Variants in PBLD observed in about 807,000 individuals in gnomAD.
PBLD encodes phenazine biosynthesis-like domain-containing protein.
A neutral mutation model predicts 31.3 loss-of-function variants in PBLD; 26 were observed. The observed-to-expected ratio is 0.83, with a 90% CI of 0.61 to 1.15. The LOEUF is 1.15. PBLD is among the 50% of genes most tolerant of loss of function. The pLI, the probability that PBLD is intolerant of heterozygous loss-of-function variation, is 0.00. For synonymous variants in PBLD, 114 were observed against 129.0 expected, an observed-to-expected ratio of 0.88 and a Z score of 0.79; for missense variants, 307 against 351.7, an observed-to-expected ratio of 0.87 and a Z score of 1.02.
chr10:68,319,096 AAAGAAAGAAAGAAAG>A (rs2044788588), intron 1 of PBLD, among the ~76,000 whole-genome samples: 1 of 134,292 alleles, frequency 7.4e-6, no homozygotes, highest in Non-Finnish European at 1.5e-5. Context: ...AGAAAGAAAG[AAAGAAAGAAAGAAAG>A]GAAAAAGAAA....
chr10:68,294,885 G>A (rs1381738647), intron 4 of PBLD, among the ~76,000 whole-genome samples: 2 of 152,128 alleles, frequency 1.3e-5, no homozygotes, highest in Non-Finnish European at 2.9e-5. Flanking sequence ...CCGCCACCAT[G>A]CTCAGCTAAT....
chr10:68,310,365 G>GTATATATATATA lies in PBLD; in HGVS notation c.-59-3474_-59-3463dup, dbSNP rs34887418. Among the ~76,000 whole-genome samples the GTATATATATATA allele has an allele frequency of 5.6e-3, 786 of 140,312 alleles. 24 individuals carry two copies. The highest frequency in any genetic ancestry group is 0.015 in the African/African-American group (580 of 38,046). The allele number at this position is 140,312 out of a possible 152,430, so 92.1% of individuals were successfully genotyped here. A position where few individuals can be genotyped will look rare whatever the true frequency, so the allele number is the denominator to read the frequency against. ...ATCATGTACAATATAATGTTTTGAA[G>GTATATATATATA]TATATATATATATATATATACACAT... On this transcript the variant is annotated intron_variant, in intron 1 of 9. Transcript: ENST00000358769.
rs201267967 is a variant in PBLD, at chr10:68,285,340, T to G, written c.754+8A>C. ...AATAAAAAAGAAATTGGTAAAGAGC[T>G]GTCCTACCATGCATTTCTTTCTTCC... On this transcript the variant is annotated splice_region_variant and intron_variant, in intron 9 of 9. Transcript: ENST00000358769. 5 of 1,613,938 alleles carry G rather than the reference T, an allele frequency of 3.1e-6. No individual in the cohort carries two copies. The Admixed American group carries it at 8.3e-5, about 27-fold the overall frequency.
intron 1 of PBLD, among the ~76,000 whole-genome samples, chr10:68,324,667 T>C (rs974522654): frequency 2.0e-5 from 3 of 151,676 alleles, no homozygotes; most frequent in Non-Finnish European, 4.4e-5. Context: ...CAGACTGGAG[T>C]GCAGTGGCAC....
chr10:68,295,171 G>A (rs1476210272), intron 4 of PBLD, among the ~76,000 whole-genome samples: 1 of 152,102 alleles, frequency 6.6e-6, no homozygotes, highest in African/African-American at 2.4e-5. Context: ...TACAGTGGGG[G>A]CCCAGGAATC....
chr10:68,304,868 C>T (rs544848087), intron 2 of PBLD, among the ~76,000 whole-genome samples: 1 of 152,192 alleles, frequency 6.6e-6, no homozygotes, highest in Non-Finnish European at 1.5e-5. Flanking sequence ...GACTTGGAAT[C>T]TGGTTGTTAA....
chr10:68,286,288 A>G (rs931656609), intron 8 of PBLD, among the ~76,000 whole-genome samples: 3 of 151,412 alleles, frequency 2.0e-5, no homozygotes, highest in East Asian at 3.9e-4. Flanking sequence ...GGGTTTTACT[A>G]TGTTGGCCAG....
intron 8 of PBLD, among the ~76,000 whole-genome samples, chr10:68,285,886 G>T (rs539929160): frequency 4.7e-5 from 4 of 85,806 alleles, no homozygotes; most frequent in Non-Finnish European, 1.2e-4. Context: ...TCACCATGTT[G>T]CCCAGCCTGG....
chr10:68,297,961 A>AAT (rs933905961), intron 2 of PBLD, among the ~76,000 whole-genome samples: 1 of 150,708 alleles, frequency 6.6e-6, no homozygotes, highest in Non-Finnish European at 1.5e-5. Flanking sequence ...GATTTAAATA[A>AAT]AAAAAAAAAG....
chr10:68,312,813 A>T (rs1267619795), intron 1 of PBLD, among the ~76,000 whole-genome samples: 1 of 151,474 alleles, frequency 6.6e-6, no homozygotes, highest in Non-Finnish European at 1.5e-5. Flanking sequence ...GGGTTTCACC[A>T]TGTTAGCCAG....
intron 1 of PBLD, among the ~76,000 whole-genome samples, chr10:68,319,108 A>AAAGG (rs769446661): frequency 1.1e-4 from 15 of 132,232 alleles, no homozygotes; most frequent in African/African-American, 3.3e-4. Context: ...AGAAAGAAAG[A>AAAGG]AAGGAAAAAG....
intron 6 of PBLD, among the ~76,000 whole-genome samples, chr10:68,289,401 C>T (rs562766918): frequency 6.6e-6 from 1 of 152,136 alleles, no homozygotes; most frequent in Non-Finnish European, 1.5e-5. Flanking sequence ...GTGGTGCACT[C>T]CTGTAATCTC....
chr10:68,332,544 C>T (rs961935861), intron 1 of PBLD, among the ~76,000 whole-genome samples: 17 of 152,264 alleles, frequency 1.1e-4, no homozygotes, highest in African/African-American at 3.4e-4. Context: ...TCCCGCCCTT[C>T]CCCGCTCTTT....
intron 1 of PBLD, among the ~76,000 whole-genome samples, chr10:68,319,502 G>A (rs2044799962): frequency 1.3e-5 from 2 of 152,124 alleles, no homozygotes; most frequent in African/African-American, 4.8e-5. Flanking sequence ...GGCCAACATG[G>A]TGAAACCCCG....
chr10:68,300,910 T>G (rs2044496795), intron 2 of PBLD, among the ~76,000 whole-genome samples: 1 of 152,120 alleles, frequency 6.6e-6, no homozygotes, highest in African/African-American at 2.4e-5. Flanking sequence ...TTTGTTCTGT[T>G]TTTTTGAGAC....
chr10:68,296,795 G>A, intron 3 of PBLD, 91 bp downstream of exon 3: 6 of 1,130,628 alleles, frequency 5.3e-6, no homozygotes, highest in Non-Finnish European at 7.9e-6. Context: ...CTTGAACGCA[G>A]GAGGCGGAGG....
intron 8 of PBLD, chr10:68,287,196 C>T (rs1390461267): frequency 6.6e-6 from 1 of 151,912 alleles, no homozygotes; most frequent in Non-Finnish European, 1.5e-5. Flanking sequence ...CTGGTTTTAG[C>T]ACTGAAAGTT....
chr10:68,327,199 A>G (rs16925318), intron 1 of PBLD, among the ~76,000 whole-genome samples: 5,370 of 152,274 alleles, frequency 0.035, 326 homozygotes, highest in African/African-American at 0.12. Flanking sequence ...AAACTTTGAA[A>G]CACTACTTTA....
intron 1 of PBLD, among the ~76,000 whole-genome samples, chr10:68,307,666 A>AT (rs2044600978): frequency 6.6e-6 from 1 of 151,800 alleles, no homozygotes; most frequent in African/African-American, 2.4e-5. Context: ...CGCCCGGCTA[A>AT]TTTTTTGTAT....
Sources: gnomAD v4.1 joint callset for allele counts (sites outside exome capture counted in the v4.1 genomes callset) on GRCh38, gnomAD v4.1.1 for gene constraint, MANE v1.5 for transcripts, NCBI Gene and HGNC (gene_info 2026-07-23, HGNC 2026-07-21) for gene names.